Variants in ACACB observed in about 807,000 individuals in gnomAD.
ACACB encodes the protein acetyl-CoA carboxylase 2.
A neutral mutation model predicts 278.8 loss-of-function variants in ACACB; 209 were observed. The observed-to-expected ratio is 0.75, with a 90% CI of 0.67 to 0.84. The LOEUF (loss-of-function observed/expected upper bound fraction) is 0.84. Ranked by LOEUF, ACACB falls within the 40% of genes least tolerant of loss-of-function variation. ACACB has a pLI of 0.00. For missense variants in ACACB, 2,850 were observed against 3,269.0 expected (o/e 0.87, Z 3.13); for synonymous variants, 1,174 against 1,285.6 (o/e 0.91, Z 1.86).
At chr12:109,250,504 T>C (rs1465912081) in intron 41 of ACACB, among the ~76,000 whole-genome samples, 1 of 152,126 alleles carries the variant, frequency 6.6e-6, no homozygotes, top group Non-Finnish European at 1.5e-5. Flanking sequence ...TGAATCAGGG[T>C]CCAATCTCAT....
chr12:109,128,587 C>T (rs1593363434), intron 1 of ACACB, among the ~76,000 whole-genome samples: 1 of 152,122 alleles, frequency 6.6e-6, no homozygotes, highest in Admixed American at 6.5e-5. Context: ...GATCTGCCCC[C>T]CTCAGCCTCC....
At chr12:109,139,307 C>T (rs1198692265) in intron 1 of ACACB, 90 bp from the exon 2 acceptor site, 1 of 1,253,824 alleles carries the variant, frequency 8.0e-7, no homozygotes, top group South Asian at 1.5e-5. Flanking sequence ...ATACACAGCA[C>T]CCCAACAGCC....
At chr12:109,175,019 T>C (rs1367342643) in intron 7 of ACACB, among the ~76,000 whole-genome samples, 1 of 152,226 alleles carries the variant, frequency 6.6e-6, no homozygotes, top group Admixed American at 6.5e-5. Context: ...TACTTAACAG[T>C]CCTCATGGTT....
chr12:109,241,655 A>G (rs2046803340), intron 36 of ACACB: 2 of 270,764 alleles, frequency 7.4e-6, no homozygotes, highest in South Asian at 4.7e-5. Flanking sequence ...CCATATGGCC[A>G]TATTTGGGAT....
chr12:109,250,527 G>A (rs924634112), intron 41 of ACACB, among the ~76,000 whole-genome samples: 1 of 152,092 alleles, frequency 6.6e-6, no homozygotes, highest in Non-Finnish European at 1.5e-5. Flanking sequence ...TATTTTCAAG[G>A]TACTGAATGT....
rs2046747854 is a variant in ACACB at position 109,239,961 on chromosome 12, C to T, written c.4794C>T (p.Pro1598=). 1.2e-6 allele frequency: 2 copies of T among 1,614,084 alleles called. No homozygotes were observed. The highest frequency in any genetic ancestry group is 1.7e-6 in the Non-Finnish European group (2 of 1,179,982). The change falls in exon 35 of 53, where the codon CCC becomes CCT. Residue 1598 remains proline (P), a synonymous_variant. Coordinates refer to ENST00000338432, the MANE Select transcript of ACACB (RefSeq NM_001093.4). ...DCNHIFLNFV[P]TVIMDPFKIE... ...ACCACATCTTCCTCAACTTCGTGCC[C>T]ACTGTCATCATGGACCCCTTCAAGG...
At chr12:109,210,472 C>CATGTGTATATGTGTATATATACATGT (rs2045796161) in intron 21 of ACACB, among the ~76,000 whole-genome samples, 1 of 144,668 alleles carries the variant, frequency 6.9e-6, no homozygotes, top group Non-Finnish European at 1.5e-5. Context: ...TACGCACATA[C>CATGTGTATATGTGTATATATACATGT]ATGTGTATAT....
At chr12:109,184,498 T>C (rs548508528) in intron 11 of ACACB, among the ~76,000 whole-genome samples, 2 of 152,340 alleles carry the variant, frequency 1.3e-5, no homozygotes, top group South Asian at 2.1e-4. Context: ...AGAGCATTGA[T>C]ACCACATCTA....
At chr12:109,186,360 C>G (rs1343400225) in intron 12 of ACACB, among the ~76,000 whole-genome samples, 1 of 152,210 alleles carries the variant, frequency 6.6e-6, no homozygotes, top group African/African-American at 2.4e-5. Flanking sequence ...CCTGGGGTAA[C>G]TTGCTTCCTG....
Position 109,210,156 on chromosome 12 carries a change from C to T in ACACB, c.3249+803C>T, listed in dbSNP as rs1444308031. Among the ~76,000 whole-genome samples, 23 of 45,100 alleles carry T rather than the reference C, an allele frequency of 5.1e-4. 2 individuals are homozygous for T. Among genetic ancestry groups the T allele is most frequent in the African/African-American group, 7.4e-4 (7 of 9,500 alleles). The allele number at this position is 45,100 out of a possible 152,430, so 29.6% of individuals were successfully genotyped here. ...GTGTGTATATATGTATATATACACA[C>T]GTGTGTATATGTATATATGTATATA... On this transcript the variant is annotated intron_variant, in intron 21 of 52. Transcript: ENST00000338432.
At chr12:109,144,756 T>TTC (rs1388588451) in intron 2 of ACACB, among the ~76,000 whole-genome samples, 2 of 124,146 alleles carry the variant, frequency 1.6e-5, no homozygotes, top group East Asian at 5.2e-4. Flanking sequence ...CTTTCTTTCT[T>TTC]TTTTTTTTTT....
At position 109,242,572 on chromosome 12, in the gene ACACB, T is replaced by G; in HGVS notation, c.5158T>G (p.Phe1720Val). 1 of 1,614,030 alleles carries G rather than the reference T, an allele frequency of 6.2e-7. No individual in the cohort carries two copies. The highest frequency in any genetic ancestry group is 8.5e-7 in the Non-Finnish European group (1 of 1,179,938). Reference protein sequence around the residue: ...QTLGTTYIYDFPEMFRQALFK... With the variant: ...QTLGTTYIYDVPEMFRQALFK... ...CCTGGGAACCACCTACATCTATGAC[T>G]TCCCGGAAATGTTCAGGCAGGCAAG... is the stretch of plus-strand genomic sequence containing the variant. Residue 1720 changes from phenylalanine (F) to valine (V), a missense_variant, in exon 37 of 53, where the codon TTC becomes GTC. Phe to Val is a conservative substitution (Grantham distance 50). Coordinates refer to ENST00000338432, the MANE Select transcript of ACACB (RefSeq NM_001093.4).
Position 109,216,601 on chromosome 12 carries a change from C to T in ACACB, c.3351-17C>T, listed in dbSNP as rs143715871. ...GGAAGGGTGTGAGCATTAAGAGCAGCCTTCCCTTCTCCCCAGATACCGCAG... is the reference window on the plus strand; with the variant it reads ...GGAAGGGTGTGAGCATTAAGAGCAGTCTTCCCTTCTCCCCAGATACCGCAG... On this transcript the variant is annotated splice_polypyrimidine_tract_variant and intron_variant, in intron 22 of 52. Coordinates refer to ENST00000338432, the MANE Select transcript of ACACB (RefSeq NM_001093.4). 2.5e-6 allele frequency: 4 copies of T among 1,612,944 alleles called. No homozygotes were observed. Among genetic ancestry groups the T allele is most frequent in the Non-Finnish European group, 3.4e-6 (4 of 1,179,052 alleles).
At chr12:109,254,714 C>T (rs1593715019) in intron 44 of ACACB, among the ~76,000 whole-genome samples, 1 of 151,638 alleles carries the variant, frequency 6.6e-6, no homozygotes, top group Non-Finnish European at 1.5e-5. Flanking sequence ...CTGCATCTTT[C>T]TCTTTCTTTC....
rs780374801 is a variant in ACACB, at chr12:109,264,323, G to A, written c.6879G>A (p.Val2293=). ...EDLLLPIYHQ[V]AVQFADFHDT... ...TGCTGCTCCCCATCTACCACCAGGT[G>A]GCGGTGCAGTTCGCCGACTTCCATG... The change falls in exon 50 of 53, where the codon GTG becomes GTA. Residue 2293 remains valine (V), a synonymous_variant. Coordinates refer to ENST00000338432, the MANE Select transcript of ACACB (RefSeq NM_001093.4). The A allele has an allele frequency of 5.0e-6, 8 of 1,614,032 alleles. No individual in the cohort carries two copies. The East Asian group carries it at 1.8e-4, about 36-fold the overall frequency.
Position 109,191,937 on chromosome 12 carries a change from C to T in ACACB, c.2386C>T (p.His796Tyr), listed in dbSNP as rs2044905698. 4.3e-6 allele frequency: 7 copies of T among 1,614,076 alleles called. No individual in the cohort carries two copies. Among genetic ancestry groups the T allele is most frequent in the Non-Finnish European group, 5.9e-6 (7 of 1,180,044 alleles). The change falls in exon 15 of 53, where the codon CAC becomes TAC. Residue 796 changes from histidine (H) to tyrosine (Y), a missense_variant. Around this residue, in one of 3 missense-constraint regions of ACACB, gnomAD observed 2,265 missense variants for 2,561.3 expected, o/e 0.88. Coordinates refer to ENST00000338432, the MANE Select transcript of ACACB (RefSeq NM_001093.4). ...MFRTCMTDFLHSLERGQVLPA... is the reference protein window; with the variant it reads ...MFRTCMTDFLYSLERGQVLPA... Reference sequence around the variant, plus strand: ...CAGAACGTGCATGACAGATTTCTTACACTCCCTGGAAAGGTAGGGGCTGTG... The same window carrying T: ...CAGAACGTGCATGACAGATTTCTTATACTCCCTGGAAAGGTAGGGGCTGTG...
intron 20 of ACACB, among the ~76,000 whole-genome samples, chr12:109,208,216 C>A (rs868646461): frequency 8.5e-5 from 12 of 141,682 alleles, no homozygotes; most frequent in African/African-American, 2.6e-4. Flanking sequence ...ACCATTGCAA[C>A]ATTTTTTTTT....
intron 39 of ACACB, 67 bp from the exon 40 acceptor site, chr12:109,247,539 G>GAAA: frequency 2.9e-6 from 3 of 1,022,524 alleles, no homozygotes; most frequent in Non-Finnish European, 4.3e-6. Flanking sequence ...TTCACATTAA[G>GAAA]AAAAAAAAAA....
chr12:109,264,531 T>A, intron 50 of ACACB, 145 bp downstream of exon 50: 1 of 1,064,976 alleles, frequency 9.4e-7, no homozygotes, highest in Non-Finnish European at 1.3e-6. Flanking sequence ...CTGGGAACTT[T>A]AAAATAATCC....
Sources: allele counts gnomAD v4.1 joint callset (sites outside exome capture counted in the v4.1 genomes callset), GRCh38; gene constraint gnomAD v4.1.1; regional missense constraint gnomAD v4.1.1; transcripts MANE v1.5; gene names NCBI Gene and HGNC (gene_info 2026-07-23, HGNC 2026-07-21).